The following GPC5 variants were observed in gnomAD, a reference collection of about 807,000 sequenced individuals.
GPC5 encodes glypican 5, also known as glypican-5.
A neutral mutation model predicts 53.9 loss-of-function variants in GPC5; 47 were observed. The observed-to-expected ratio is 0.87, with a 90% confidence interval of 0.69 to 1.11. GPC5 has a LOEUF of 1.11. Among genes scored for constraint, GPC5 ranks in the 50% most tolerant of loss-of-function variants. The pLI is 0.00. For missense variants in GPC5, 748 were observed against 713.1 expected (o/e 1.05, Z -0.56); for synonymous variants, 286 against 263.3 (o/e 1.09, Z -0.84).
At chr13:91,878,107 G>A (rs2039224568) in intron 5 of GPC5, among the ~76,000 whole-genome samples, 2 of 152,212 alleles carry the variant, frequency 1.3e-5, no homozygotes, top group East Asian at 1.9e-4. Context: ...CCAGTCGCAG[G>A]TATGTCTTTA....
intron 7 of GPC5, among the ~76,000 whole-genome samples, chr13:92,223,711 G>T (rs768382840): frequency 7.2e-5 from 11 of 151,846 alleles, no homozygotes; most frequent in Non-Finnish European, 1.5e-4. Flanking sequence ...AAGTTTGTAA[G>T]AAACTAGCTT....
chr13:91,536,955 G>A (rs754588580), intron 2 of GPC5, among the ~76,000 whole-genome samples: 41 of 151,992 alleles, frequency 2.7e-4, no homozygotes, highest in Non-Finnish European at 4.1e-4. Context: ...AATAATGAAC[G>A]AATCAAAGAA....
At chr13:92,731,258 TC>T (rs1367126225) in intron 7 of GPC5, among the ~76,000 whole-genome samples, 22 of 151,490 alleles carry the variant, frequency 1.5e-4, no homozygotes, top group African/African-American at 5.3e-4. Flanking sequence ...GAAAAATACT[TC>T]AATGTGATGT....
chr13:91,756,224 A>G (rs983732138), intron 4 of GPC5, 71 bp from the exon 5 acceptor site: 43 of 1,157,366 alleles, frequency 3.7e-5, no homozygotes, highest in Non-Finnish European at 4.8e-5. Context: ...ATGTATAACA[A>G]TACATATCAT....
intron 7 of GPC5, among the ~76,000 whole-genome samples, chr13:92,603,784 T>C (rs996395282): frequency 1.3e-5 from 2 of 152,148 alleles, no homozygotes; most frequent in Non-Finnish European, 2.9e-5. Context: ...GAAGTTTCCT[T>C]CCTTTGTTTT....
intron 7 of GPC5, among the ~76,000 whole-genome samples, chr13:92,165,622 T>C (rs951013105): frequency 1.3e-5 from 2 of 152,174 alleles, no homozygotes; most frequent in Non-Finnish European, 1.5e-5. Context: ...ACCACCCCCG[T>C]GATTCCGTCA....
chr13:91,964,172 T>C (rs2139080021), intron 6 of GPC5, among the ~76,000 whole-genome samples: 2 of 152,318 alleles, frequency 1.3e-5, no homozygotes, highest in South Asian at 4.1e-4. Context: ...GGATTGAAGC[T>C]GCAGACCTTC....
chr13:91,645,026 T>A (rs1417204461), intron 2 of GPC5, among the ~76,000 whole-genome samples: 1 of 152,250 alleles, frequency 6.6e-6, no homozygotes, highest in Non-Finnish European at 1.5e-5. Context: ...TGTTTATATG[T>A]TGAAATATGG....
At chr13:91,462,484 C>A (rs1279733923) in intron 2 of GPC5, among the ~76,000 whole-genome samples, 1 of 152,068 alleles carries the variant, frequency 6.6e-6, no homozygotes, top group African/African-American at 2.4e-5. Context: ...CTGTGAAGGG[C>A]AATTTTTATT....
intron 4 of GPC5, among the ~76,000 whole-genome samples, chr13:91,755,537 C>G (rs2037271343): frequency 6.6e-6 from 1 of 151,996 alleles, no homozygotes; most frequent in African/African-American, 2.4e-5. Context: ...TCCTCCAAAG[C>G]CTTGGTTTTA....
chr13:92,170,380 T>C (rs1285536239), intron 7 of GPC5, among the ~76,000 whole-genome samples: 4 of 150,768 alleles, frequency 2.7e-5, no homozygotes, highest in Admixed American at 1.3e-4. Context: ...GGACTTCCTA[T>C]ACCCACAAAG....
At chr13:92,492,632 A>G (rs1879810487) in intron 7 of GPC5, among the ~76,000 whole-genome samples, 1 of 152,208 alleles carries the variant, frequency 6.6e-6, no homozygotes. Flanking sequence ...ATATGTAATC[A>G]AAGAGATGAT....
At chr13:92,130,475 A>G (rs2041734457) in intron 6 of GPC5, among the ~76,000 whole-genome samples, 1 of 152,062 alleles carries the variant, frequency 6.6e-6, no homozygotes, top group East Asian at 1.9e-4. Context: ...CATGTGGATT[A>G]GCTGGTGAAT....
At chr13:92,285,143 G>C in intron 7 of GPC5, among the ~76,000 whole-genome samples, 1 of 152,090 alleles carries the variant, frequency 6.6e-6, no homozygotes, top group East Asian at 1.9e-4. Flanking sequence ...ATTCACAATT[G>C]CTTCAAAGAG....
At chr13:91,593,690 G>T (rs1375798927) in intron 2 of GPC5, among the ~76,000 whole-genome samples, 1 of 152,140 alleles carries the variant, frequency 6.6e-6, no homozygotes, top group Non-Finnish European at 1.5e-5. Flanking sequence ...TGAGAGAAAT[G>T]ATGTGTTCAT....
chr13:92,093,407 T>C (rs1485069958), intron 6 of GPC5, among the ~76,000 whole-genome samples: 1 of 152,162 alleles, frequency 6.6e-6, no homozygotes, highest in Non-Finnish European at 1.5e-5. Flanking sequence ...TATATATGTA[T>C]AGATGTGCAA....
intron 6 of GPC5, among the ~76,000 whole-genome samples, chr13:92,099,128 C>T (rs920512740): frequency 6.6e-6 from 1 of 152,052 alleles, no homozygotes; most frequent in African/African-American, 2.4e-5. Flanking sequence ...TTTTTCCCCT[C>T]CACACCAACT....
At chr13:91,665,505 C>CTTTTTTTTTTTTTTTTT (rs371605806) in intron 2 of GPC5, among the ~76,000 whole-genome samples, 2 of 146,126 alleles carry the variant, frequency 1.4e-5, no homozygotes, top group African/African-American at 5.2e-5. Context: ...AAAAGCCAGT[C>CTTTTTTTTTTTTTTTTT]TTTTTTTTTT....
chr13:91,900,817 G>A (rs1449179701), intron 5 of GPC5, among the ~76,000 whole-genome samples: 11 of 151,900 alleles, frequency 7.2e-5, no homozygotes, highest in African/African-American at 2.2e-4. Flanking sequence ...CTGATTTTAC[G>A]TGTGCAGTCA....
Sources: gnomAD v4.1 joint callset for allele counts (sites outside exome capture counted in the v4.1 genomes callset) on GRCh38, gnomAD v4.1.1 for gene constraint, MANE v1.5 for transcripts, NCBI Gene and HGNC (gene_info 2026-07-23, HGNC 2026-07-21) for gene names.